Variants in SLC49A4 observed in about 807,000 individuals in gnomAD.
The protein encoded by SLC49A4 is solute carrier family 49 member 4, also known as disrupted in renal cancer protein 2.
SLC49A4 carries 36 observed loss-of-function variants against 50.6 expected under a neutral mutation model. That is an observed-to-expected ratio of 0.71 (90% CI 0.55 to 0.94). The LOEUF (loss-of-function observed/expected upper bound fraction) is 0.94. SLC49A4 is among the 40% of genes least tolerant of loss of function. The pLI, the probability that SLC49A4 is intolerant of heterozygous loss-of-function variation, is 0.00. For missense variants in SLC49A4, 503 were observed against 605.7 expected (o/e 0.83, Z 1.78); for synonymous variants, 248 against 241.2 (o/e 1.03, Z -0.26).
chr3:122,833,592 AGATT>A, intron 4 of SLC49A4, 146 bp downstream of exon 4: 1 of 759,194 alleles, frequency 1.3e-6, no homozygotes, highest in Non-Finnish European at 1.9e-6. Flanking sequence ...TGAATATTTT[AGATT>A]TCCTACCAGA....
At chr3:122,860,933 C>T (rs1481374696) in intron 7 of SLC49A4, among the ~76,000 whole-genome samples, 1 of 152,156 alleles carries the variant, frequency 6.6e-6, no homozygotes, top group African/African-American at 2.4e-5. Flanking sequence ...CTTGCCTTTT[C>T]CAACTTCTAG....
At chr3:122,806,413 T>C (rs1022236223) in intron 1 of SLC49A4, among the ~76,000 whole-genome samples, 1 of 152,188 alleles carries the variant, frequency 6.6e-6, no homozygotes, top group Non-Finnish European at 1.5e-5. Flanking sequence ...AGTCTCACTC[T>C]GTCGCCCAGG....
chr3:122,829,340 AT>A (rs1410906595), intron 3 of SLC49A4, among the ~76,000 whole-genome samples: 7 of 152,266 alleles, frequency 4.6e-5, no homozygotes, highest in African/African-American at 1.7e-4. Flanking sequence ...AAACATGATC[AT>A]CTTAAAAGAT....
At chr3:122,837,480 A>G (rs1031369172) in intron 4 of SLC49A4, among the ~76,000 whole-genome samples, 2 of 152,144 alleles carry the variant, frequency 1.3e-5, no homozygotes, top group African/African-American at 4.8e-5. Context: ...CTATTTAATA[A>G]ATGGTGCTGG....
In SLC49A4 at chr3:122,879,378, A is replaced by G. The variant is rs749369777; in HGVS notation, c.1437A>G (p.Ter479=). Residue 479 remains the stop codon, a stop_retained_variant, in exon 9 of 9, where the codon TAA becomes TAG. Transcript: ENST00000261038. ...RLYLDVVVSV[*] ...ATCTTGATGTGGTTGTCTCCGTTTA[A>G]TAGCACAGACTTGAAGGAGTTTAAA... is the stretch of plus-strand genomic sequence containing the variant. The G allele has an allele frequency of 3.5e-5, 56 of 1,609,432 alleles. No individual in the cohort carries two copies. Among genetic ancestry groups the G allele is most frequent in the Middle Eastern group, 3.3e-4 (2 of 6,068 alleles).
chr3:122,804,826 C>T (rs1215253738), intron 1 of SLC49A4, among the ~76,000 whole-genome samples: 1 of 152,154 alleles, frequency 6.6e-6, no homozygotes, highest in Admixed American at 6.5e-5. Flanking sequence ...TTTATTTACT[C>T]TTAAAAGTTT....
chr3:122,805,398 A>G (rs182874837), intron 1 of SLC49A4, among the ~76,000 whole-genome samples: 95 of 152,312 alleles, frequency 6.2e-4, no homozygotes, highest in African/African-American at 2.2e-3. Flanking sequence ...TTTCTTTGCT[A>G]TGTTTGATCT....
At chr3:122,873,697 A>G (rs538945423) in intron 8 of SLC49A4, among the ~76,000 whole-genome samples, 1 of 152,326 alleles carries the variant, frequency 6.6e-6, no homozygotes, top group Non-Finnish European at 1.5e-5. Flanking sequence ...AAGGAGAGTG[A>G]TATTAATGAA....
At position 122,806,928 on chromosome 3, in the gene SLC49A4, T is replaced by C; in HGVS notation, c.415T>C (p.Ser139Pro). The C allele has an allele frequency of 6.3e-7, 1 of 1,596,460 alleles. No homozygotes were observed. Among genetic ancestry groups the C allele is most frequent in the African/African-American group, 1.3e-5 (1 of 74,590 alleles). Reference protein sequence around the residue: ...LGTGLRCIPISDLILKRRLIH... With the variant: ...LGTGLRCIPIPDLILKRRLIH... ...AACTGGTCTAAGATGCATACCTATA[T>C]CAGACTTAATCCTTAAAAGAAGGTA... Residue 139 changes from serine to proline, a missense_variant, in exon 2 of 9, where the codon TCA becomes CCA. By Grantham distance (74) the Ser-to-Pro change is moderately conservative. Transcript: ENST00000261038.
intron 2 of SLC49A4, among the ~76,000 whole-genome samples, chr3:122,813,133 C>T (rs1370665455): frequency 6.6e-6 from 1 of 151,742 alleles, no homozygotes; most frequent in Non-Finnish European, 1.5e-5. Context: ...GCCTGTAATC[C>T]CAGCTACTCG....
chr3:122,859,684 C>A (rs759152145), intron 6 of SLC49A4, among the ~76,000 whole-genome samples: 24 of 151,790 alleles, frequency 1.6e-4, no homozygotes, highest in Non-Finnish European at 2.4e-4. Context: ...TGTACACACA[C>A]AAAAAAATAA....
rs1290831542 is a variant in SLC49A4, at chr3:122,833,359, A to G, written c.746A>G (p.Tyr249Cys). 6.2e-7 allele frequency: 1 copy of G among 1,613,490 alleles called. No individual in the cohort carries two copies. The highest frequency in any genetic ancestry group is 1.1e-5 in the South Asian group (1 of 91,066). The change falls in exon 4 of 9, where the codon TAT becomes TGT. Residue 249 changes from tyrosine (Y) to cysteine (C), a missense_variant. By Grantham distance (194) the Tyr-to-Cys change is radical. Coordinates refer to ENST00000261038, the MANE Select transcript of SLC49A4 (RefSeq NM_032839.3). The stretch of plus-strand genomic sequence containing the variant: ...TTAATATTTTCTGCAACACTAGCTT[A>G]TTTCCCACCCCGACCTCCTCTTCCT... ...VCLIFSATLA[Y>C]FPPRPPLPPS...
At position 122,814,844 on chromosome 3, in the gene SLC49A4, T is replaced by C. The variant is rs559117203; in HGVS notation, c.437+7894T>C. ...CTGTCATTCGTGTTAGTGTATTTTA[T>C]GTGTGGCCCAAGACGGTTCTTCTTC... On this transcript the variant is annotated intron_variant, in intron 2 of 8. Coordinates refer to ENST00000261038, the MANE Select transcript of SLC49A4 (RefSeq NM_032839.3). Among the ~76,000 whole-genome samples, 12 of 152,242 alleles carry C rather than the reference T, an allele frequency of 7.9e-5. No individual in the cohort carries two copies. In the East Asian group the frequency reaches 2.1e-3, roughly 27 times the overall value.
intron 3 of SLC49A4, among the ~76,000 whole-genome samples, chr3:122,827,297 T>C (rs1319714869): frequency 6.6e-6 from 1 of 152,220 alleles, no homozygotes; most frequent in Non-Finnish European, 1.5e-5. Context: ...GAGGGGTATT[T>C]CTTAATTTTA....
intron 3 of SLC49A4, among the ~76,000 whole-genome samples, chr3:122,830,897 T>G (rs924737869): frequency 1.3e-5 from 2 of 152,168 alleles, no homozygotes; most frequent in Non-Finnish European, 2.9e-5. Context: ...AAGGGACTTA[T>G]ATTCAGATTA....
At chr3:122,834,016 T>G (rs1453753515) in intron 4 of SLC49A4, among the ~76,000 whole-genome samples, 1 of 152,182 alleles carries the variant, frequency 6.6e-6, no homozygotes, top group Non-Finnish European at 1.5e-5. Flanking sequence ...ACTCTACTCT[T>G]GAAGGCTCAA....
intron 3 of SLC49A4, among the ~76,000 whole-genome samples, chr3:122,831,809 A>G (rs1246871834): frequency 6.6e-6 from 1 of 152,158 alleles, no homozygotes; most frequent in African/African-American, 2.4e-5. Flanking sequence ...GTCAAAGAAT[A>G]TGAATAAGGC....
chr3:122,795,691 C>A (rs182677927), intron 1 of SLC49A4, among the ~76,000 whole-genome samples, 156 bp downstream of exon 1: 1 of 152,322 alleles, frequency 6.6e-6, no homozygotes, highest in African/African-American at 2.4e-5. Context: ...CTTAGGAACC[C>A]TCCGTCCCCA....
intron 5 of SLC49A4, among the ~76,000 whole-genome samples, chr3:122,849,712 GA>G (rs929797663): frequency 6.6e-6 from 1 of 151,898 alleles, no homozygotes; most frequent in African/African-American, 2.4e-5. Context: ...GTTCCTTATA[GA>G]TAGATAGTGG....
Sources: gnomAD v4.1 joint callset for allele counts (sites outside exome capture counted in the v4.1 genomes callset) on GRCh38, gnomAD v4.1.1 for gene constraint, MANE v1.5 for transcripts, NCBI Gene and HGNC (gene_info 2026-07-23, HGNC 2026-07-21) for gene names.